ARMC9: variants seen among roughly 807,000 people sequenced by gnomAD.
ARMC9 encodes the protein armadillo repeat containing 9.
ARMC9 carries 94 observed loss-of-function variants against 107.0 expected under a neutral mutation model. That is an observed-to-expected ratio of 0.88 (90% CI 0.74 to 1.04). The LOEUF is 1.04. Ranked by LOEUF, ARMC9 falls within the 50% of genes least tolerant of loss-of-function variation. ARMC9 has a pLI of 0.00. For missense variants in ARMC9, 942 were observed against 1,030.1 expected, an observed-to-expected ratio of 0.91 and a Z score of 1.17; for synonymous variants, 380 against 396.9, an observed-to-expected ratio of 0.96 and a Z score of 0.51.
At chr2:231,223,701 A>G (rs2034368112) in intron 6 of ARMC9, among the ~76,000 whole-genome samples, 1 of 152,164 alleles carries the variant, frequency 6.6e-6, no homozygotes, top group Non-Finnish European at 1.5e-5. Context: ...CTAGGACTCC[A>G]TGCCACATTT....
intron 14 of ARMC9, 59 bp downstream of exon 14, chr2:231,273,137 C>T (rs2039485566): frequency 1.9e-6 from 3 of 1,560,962 alleles, no homozygotes; most frequent in Non-Finnish European, 2.6e-6. Context: ...GTTAAAATTC[C>T]CATGGCAACC....
intron 10 of ARMC9, among the ~76,000 whole-genome samples, chr2:231,257,416 G>C (rs2037932107): frequency 6.6e-6 from 1 of 152,176 alleles, no homozygotes; most frequent in African/African-American, 2.4e-5. Context: ...GACCAGGGTG[G>C]CTTCTGGGAC....
chr2:231,241,418 C>G (rs1262327862), intron 9 of ARMC9, among the ~76,000 whole-genome samples: 1 of 151,858 alleles, frequency 6.6e-6, no homozygotes, highest in Non-Finnish European at 1.5e-5. Context: ...GTACAGGAAC[C>G]CACGGGCCAG....
intron 13 of ARMC9, among the ~76,000 whole-genome samples, chr2:231,272,149 T>TAAAACTTATTTTATTA: frequency 6.6e-6 from 1 of 151,806 alleles, no homozygotes. Flanking sequence ...TAAGTTTTAA[T>TAAAACTTATTTTATTA]AAGTTTTGTG....
Position 231,337,663 on chromosome 2 carries a change from T to G in ARMC9, c.1878+5766T>G, listed in dbSNP as rs939950617. 3.3e-5 allele frequency among the ~76,000 whole-genome samples: 5 copies of G among 151,722 alleles called. No individual in the cohort carries two copies. The South Asian group carries it at 1.0e-3, about 32-fold the overall frequency. ...TTTTGTATTTTTAGTAGAGACAGGGTTTCACCATGTTGATCAGGCTGGTCT... is the reference window on the plus strand; with the variant it reads ...TTTTGTATTTTTAGTAGAGACAGGGGTTCACCATGTTGATCAGGCTGGTCT... On this transcript the variant is annotated intron_variant, in intron 20 of 24. Coordinates refer to ENST00000611582, the MANE Select transcript of ARMC9 (RefSeq NM_001352754.2).
intron 19 of ARMC9, among the ~76,000 whole-genome samples, chr2:231,330,929 A>C (rs956438364): frequency 1.3e-5 from 2 of 152,142 alleles, no homozygotes; most frequent in Non-Finnish European, 2.9e-5. Flanking sequence ...ATATGAAACA[A>C]AAAGAAAACC....
chr2:231,267,759 A>T (rs1213858843), intron 12 of ARMC9, among the ~76,000 whole-genome samples: 2 of 152,138 alleles, frequency 1.3e-5, no homozygotes, highest in East Asian at 3.9e-4. Context: ...GGCTCGTTTC[A>T]CCAGTCATTT....
chr2:231,262,631 C>T (rs2038478315), intron 12 of ARMC9, among the ~76,000 whole-genome samples: 1 of 152,122 alleles, frequency 6.6e-6, no homozygotes, highest in Non-Finnish European at 1.5e-5. Flanking sequence ...GCCGTTTTTC[C>T]TTTTCTCAAA....
At position 231,216,772 on chromosome 2, in the gene ARMC9, C is replaced by T; in HGVS notation, c.483C>T (p.Pro161=). 6.2e-7 allele frequency: 1 copy of T among 1,613,188 alleles called. No homozygotes were observed. The highest frequency in any genetic ancestry group is 8.5e-7 in the Non-Finnish European group (1 of 1,179,772). Residue 161 remains proline (P), a synonymous_variant, in exon 5 of 25, where the codon CCC becomes CCT. Transcript: ENST00000611582. The part of the protein sequence containing the change: ...LPFVPNPMVH[P]SFKELFQDSW... ...TTGTTCCCAACCCTATGGTGCACCC[C>T]TCATTTAAAGAACTCTTCCAGGTAA...
intron 22 of ARMC9, among the ~76,000 whole-genome samples, chr2:231,359,341 C>A (rs924728307): frequency 4.6e-5 from 7 of 151,778 alleles, no homozygotes; most frequent in African/African-American, 1.7e-4. Context: ...CCTGCCCCAG[C>A]CTCCCAAAGT....
rs114372834 is a variant in ARMC9, at chr2:231,241,573, A to G, written c.879+1532A>G. On this transcript the variant is annotated intron_variant, in intron 9 of 24. Transcript: ENST00000611582. ...CCACAGCTTTTAAGTGAGGGTTTGCACATTAATATAGTATTAGAGTCTTAA... is the reference window on the plus strand; with the variant it reads ...CCACAGCTTTTAAGTGAGGGTTTGCGCATTAATATAGTATTAGAGTCTTAA... Among the ~76,000 whole-genome samples, 1,405 of 152,282 alleles carry G rather than the reference A, an allele frequency of 9.2e-3. 18 individuals carry two copies. Among genetic ancestry groups the G allele is most frequent in the African/African-American group, 0.033 (1,354 of 41,552 alleles).
At chr2:231,299,476 G>A (rs1220236544) in intron 19 of ARMC9, among the ~76,000 whole-genome samples, 1 of 152,186 alleles carries the variant, frequency 6.6e-6, no homozygotes, top group African/African-American at 2.4e-5. Flanking sequence ...AGTGAGACTA[G>A]GACACGGGGT....
At chr2:231,288,376 T>C (rs978544627) in intron 17 of ARMC9, among the ~76,000 whole-genome samples, 3 of 152,216 alleles carry the variant, frequency 2.0e-5, no homozygotes, top group Non-Finnish European at 1.5e-5. Flanking sequence ...CTTTCTTTTA[T>C]GTTGTTTGCA....
chr2:231,338,444 C>T (rs1015630642), intron 20 of ARMC9, among the ~76,000 whole-genome samples: 1 of 151,524 alleles, frequency 6.6e-6, no homozygotes. Context: ...CCAGGGTGGT[C>T]TCGAACTCCT....
In ARMC9 at chr2:231,232,355, G is replaced by A. The variant is rs576588226; in HGVS notation, c.623-2869G>A. 9.2e-4 allele frequency among the ~76,000 whole-genome samples: 140 copies of A among 151,952 alleles called. 1 individual carries two copies. The highest frequency in any genetic ancestry group is 3.4e-3 in the Middle Eastern group (1 of 294). ...ATCACATTCTAAGAGGCAGAAGGTAGTGACCCCCTTTCCCTAATGTTTAAG... is the reference window on the plus strand; with the variant it reads ...ATCACATTCTAAGAGGCAGAAGGTAATGACCCCCTTTCCCTAATGTTTAAG... On this transcript the variant is annotated intron_variant, in intron 7 of 24. Coordinates refer to ENST00000611582, the MANE Select transcript of ARMC9 (RefSeq NM_001352754.2).
intron 19 of ARMC9, among the ~76,000 whole-genome samples, chr2:231,317,029 T>C (rs1249585316): frequency 6.6e-6 from 1 of 152,184 alleles, no homozygotes; most frequent in Non-Finnish European, 1.5e-5. Flanking sequence ...CAGCTGTTAA[T>C]TGCATATTTT....
rs141777398 is a variant in ARMC9, at chr2:231,272,808, G to A, written c.1211-147G>A. 2.8e-3 allele frequency: 2,921 copies of A among 1,034,216 alleles called. 17 individuals are homozygous for A. The highest frequency in any genetic ancestry group is 0.016 in the East Asian group (552 of 35,574). The allele number at this position is 1,034,216 out of a possible 1,614,324, so 64.1% of individuals were successfully genotyped here. A position where few individuals can be genotyped will look rare whatever the true frequency, so the allele number is the denominator to read the frequency against. ...TAGGATTACAGGCGTGAGCCACCGC[G>A]CCCTGCCCAGTAAGTTTTTTAGAAC... On this transcript the variant is annotated intron_variant, in intron 13 of 24. Transcript: ENST00000611582.
intron 21 of ARMC9, among the ~76,000 whole-genome samples, chr2:231,354,640 C>T (rs2045261739): frequency 6.6e-6 from 1 of 152,134 alleles, no homozygotes; most frequent in Non-Finnish European, 1.5e-5. Flanking sequence ...CCTTGGCCTC[C>T]CAAAGTGCTG....
intron 6 of ARMC9, among the ~76,000 whole-genome samples, chr2:231,225,569 T>C (rs1359791783): frequency 6.6e-6 from 1 of 152,220 alleles, no homozygotes; most frequent in African/African-American, 2.4e-5. Context: ...TGATTCATGC[T>C]GTAACATGAA....
Sources: allele counts gnomAD v4.1 joint callset (sites outside exome capture counted in the v4.1 genomes callset), GRCh38; gene constraint gnomAD v4.1.1; transcripts MANE v1.5; gene names NCBI Gene and HGNC (gene_info 2026-07-23, HGNC 2026-07-21).